The following NOX4 variants were observed in gnomAD, a reference collection of about 807,000 sequenced individuals.
The protein encoded by NOX4 is NADPH oxidase 4.
A neutral mutation model predicts 87.6 loss-of-function variants in NOX4; 69 were observed. The ratio of observed to expected loss-of-function variants is 0.79; its 90% CI spans 0.65 to 0.96. The LOEUF is 0.96. Ranked by LOEUF, NOX4 falls within the 40% of genes least tolerant of loss-of-function variation. NOX4 has a pLI of 0.00. For synonymous variants in NOX4, 275 were observed against 238.2 expected (o/e 1.15, Z -1.42); for missense variants, 680 against 681.5 (o/e 1.00, Z 0.02).
At chr11:89,328,787 G>A (rs1945325034) in intron 17 of NOX4, among the ~76,000 whole-genome samples, 2 of 151,978 alleles carry the variant, frequency 1.3e-5, no homozygotes, top group African/African-American at 2.4e-5. Context: ...AGGTACTAGG[G>A]TAGGCCCTAA....
the NOX4 span, among the ~76,000 whole-genome samples, chr11:89,571,690 T>TG: frequency 1.8e-5 from 2 of 111,298 alleles, no homozygotes; most frequent in Admixed American, 1.0e-4. Context: ...TTTACTTTTG[T>TG]GAAAAAAAAA....
chr11:89,448,129 T>A (rs1309270468), intron 4 of NOX4, among the ~76,000 whole-genome samples: 1 of 152,198 alleles, frequency 6.6e-6, no homozygotes, highest in Non-Finnish European at 1.5e-5. Context: ...TTACAATTAC[T>A]AATTCTATCC....
the NOX4 span, among the ~76,000 whole-genome samples, chr11:89,526,776 A>G: frequency 6.6e-6 from 1 of 152,272 alleles, no homozygotes; most frequent in South Asian, 2.1e-4. Flanking sequence ...ACTGTGAGTC[A>G]ATTAAACCTT....
intron 12 of NOX4, among the ~76,000 whole-genome samples, chr11:89,362,332 T>C (rs1938591364): frequency 6.6e-6 from 1 of 152,024 alleles, no homozygotes. Context: ...AGATCAGCAA[T>C]AAATCATTTC....
chr11:89,583,116 AT>A, the NOX4 span, among the ~76,000 whole-genome samples: 1 of 152,232 alleles, frequency 6.6e-6, no homozygotes, highest in Non-Finnish European at 1.5e-5. Context: ...AGTATAATTT[AT>A]CTTTTTACAT....
the NOX4 span, among the ~76,000 whole-genome samples, chr11:89,582,441 T>G: frequency 2.6e-5 from 4 of 152,134 alleles, no homozygotes; most frequent in Admixed American, 2.6e-4. Context: ...ATTTTTAACT[T>G]TCTGAGGAAT....
intron 2 of NOX4, among the ~76,000 whole-genome samples, chr11:89,489,305 A>T (rs1946751480): frequency 6.6e-6 from 1 of 151,924 alleles, no homozygotes; most frequent in South Asian, 2.1e-4. Flanking sequence ...TAGTCATTAA[A>T]CCATGAAAAA....
chr11:89,428,112 C>A (rs967933797), intron 7 of NOX4, among the ~76,000 whole-genome samples: 3 of 152,110 alleles, frequency 2.0e-5, no homozygotes, highest in Non-Finnish European at 4.4e-5. Context: ...TCATATCCAA[C>A]CAAACTAAGC....
At chr11:89,578,452 C>G in the NOX4 span, among the ~76,000 whole-genome samples, 2 of 152,166 alleles carry the variant, frequency 1.3e-5, no homozygotes, top group Non-Finnish European at 2.9e-5. Context: ...CAGGCATGAA[C>G]CACTGCACCT....
rs529181594 is a variant in NOX4 at position 89,326,483 on chromosome 11, A to C, written c.*273T>G. The C allele has an allele frequency of 1.4e-4, 32 of 230,662 alleles. No individual in the cohort carries two copies. The highest frequency in any genetic ancestry group is 5.7e-4 in the African/African-American group (25 of 43,808). 14.3% of individuals were successfully genotyped at this position (230,662 alleles called of 1,614,324 possible). On this transcript the variant is annotated 3_prime_UTR_variant, in exon 18 of 18. Transcript: ENST00000263317. Reference sequence around the variant, plus strand: ...GGGAGTTCTTGAATCCACCATGAAAATCAACAGTGTGCATCTAACAGTTTT... The same window carrying C: ...GGGAGTTCTTGAATCCACCATGAAACTCAACAGTGTGCATCTAACAGTTTT...
At chr11:89,449,029 G>T (rs1944832696) in intron 4 of NOX4, among the ~76,000 whole-genome samples, 1 of 152,024 alleles carries the variant, frequency 6.6e-6, no homozygotes, top group African/African-American at 2.4e-5. Flanking sequence ...ATCAGCTTGG[G>T]GGCCAACTTT....
At chr11:89,475,061 A>C (rs765853054) in intron 2 of NOX4, among the ~76,000 whole-genome samples, 42 of 151,640 alleles carry the variant, frequency 2.8e-4, no homozygotes, top group Admixed American at 1.3e-3. Flanking sequence ...AATATTAAAA[A>C]TAAACAACAT....
chr11:89,447,882 G>C (rs1944778200), intron 4 of NOX4, among the ~76,000 whole-genome samples: 1 of 152,078 alleles, frequency 6.6e-6, no homozygotes, highest in Admixed American at 6.6e-5. Context: ...AACACCTGCA[G>C]AGGTGGGACT....
intron 7 of NOX4, among the ~76,000 whole-genome samples, chr11:89,425,458 T>C (rs1179475221): frequency 6.8e-6 from 1 of 147,796 alleles, no homozygotes; most frequent in Non-Finnish European, 1.5e-5. Context: ...TTTAGTAATA[T>C]GGGTCTGGGA....
the NOX4 span, among the ~76,000 whole-genome samples, chr11:89,506,305 G>GAA: frequency 3.5e-3 from 351 of 100,664 alleles, no homozygotes; most frequent in South Asian, 8.0e-3. Context: ...GAAAGAAAGA[G>GAA]AGAGAAAGAA....
At chr11:89,359,533 GA>G (rs1301662097) in intron 12 of NOX4, among the ~76,000 whole-genome samples, 5 of 151,466 alleles carry the variant, frequency 3.3e-5, no homozygotes, top group Admixed American at 1.3e-4. Flanking sequence ...AAAAAAGAAA[GA>G]AAAAAATATA....
intron 4 of NOX4, among the ~76,000 whole-genome samples, chr11:89,447,531 G>T (rs1195521679): frequency 6.6e-6 from 1 of 152,094 alleles, no homozygotes; most frequent in Admixed American, 6.6e-5. Flanking sequence ...AAAGCAATGT[G>T]GTAGATAGAG....
the NOX4 span, among the ~76,000 whole-genome samples, chr11:89,528,085 G>C: frequency 6.6e-6 from 1 of 152,190 alleles, no homozygotes; most frequent in African/African-American, 2.4e-5. Context: ...GTGAGACATG[G>C]AGTCAAAGGA....
At chr11:89,520,680 G>T in the NOX4 span, among the ~76,000 whole-genome samples, 1 of 152,136 alleles carries the variant, frequency 6.6e-6, no homozygotes, top group East Asian at 1.9e-4. Flanking sequence ...TTCAACATAG[G>T]ACGGAAGTGC....
Sources: gnomAD v4.1 joint callset for allele counts (sites outside exome capture counted in the v4.1 genomes callset) on GRCh38, gnomAD v4.1.1 for gene constraint, MANE v1.5 for transcripts, NCBI Gene and HGNC (gene_info 2026-07-23, HGNC 2026-07-21) for gene names.